CCDC171: variants seen among roughly 807,000 people sequenced by gnomAD.
CCDC171 encodes the protein coiled-coil domain-containing protein 171.
Under a neutral mutation model 168.2 loss-of-function variants are expected in CCDC171, and 177 were observed. The ratio of observed to expected loss-of-function variants is 1.05; its 90% CI spans 0.93 to 1.19. The LOEUF is 1.19. Among genes scored for constraint, CCDC171 ranks in the 50% most tolerant of loss-of-function variants. The pLI, the probability that CCDC171 is intolerant of heterozygous loss-of-function variation, is 0.00. For synonymous variants in CCDC171, 687 were observed against 540.8 expected (o/e 1.27, Z -3.75); for missense variants, 1,991 against 1,539.0 (o/e 1.29, Z -4.91).
chr9:16,082,681 G>A, the CCDC171 span, among the ~76,000 whole-genome samples: 90 of 152,358 alleles, frequency 5.9e-4, no homozygotes, highest in African/African-American at 2.0e-3. Flanking sequence ...GTACACGCAT[G>A]CGTGAGCTTT....
chr9:15,999,595 C>A (rs761194625), intron 3 of CCDC171, among the ~76,000 whole-genome samples: 3 of 152,200 alleles, frequency 2.0e-5, no homozygotes, highest in Non-Finnish European at 4.4e-5. Context: ...AGCATCTGCA[C>A]TATTGTCACT....
intron 6 of CCDC171, among the ~76,000 whole-genome samples, chr9:16,023,690 A>G (rs1344250694): frequency 1.3e-5 from 2 of 152,284 alleles, no homozygotes; most frequent in Non-Finnish European, 2.9e-5. Context: ...GGCATTACTA[A>G]TTGCTTATTC....
chr9:15,570,819 T>C (rs2040165518), intron 2 of CCDC171, among the ~76,000 whole-genome samples: 1 of 152,216 alleles, frequency 6.6e-6, no homozygotes, highest in African/African-American at 2.4e-5. Flanking sequence ...TTCTTGTATA[T>C]AGTATGAAAA....
chr9:15,965,697 A>AAGAGGAACTACTC (rs57983659), intron 25 of CCDC171, among the ~76,000 whole-genome samples: 1 of 151,968 alleles, frequency 6.6e-6, no homozygotes, highest in Non-Finnish European at 1.5e-5. Context: ...AGAAGGGAAG[A>AAGAGGAACTACTC]TATGCTACAC....
intron 7 of CCDC171, among the ~76,000 whole-genome samples, chr9:15,645,373 A>G (rs562930904): frequency 1.3e-5 from 2 of 152,348 alleles, no homozygotes; most frequent in East Asian, 3.9e-4. Context: ...CAGCAACAGA[A>G]CAAAGCTGGA....
intron 9 of CCDC171, among the ~76,000 whole-genome samples, chr9:15,676,883 C>G (rs2049613555): frequency 1.3e-5 from 2 of 152,102 alleles, no homozygotes; most frequent in Admixed American, 1.3e-4. Context: ...GAGTGGCCAT[C>G]AAGTCTGGAA....
chr9:15,971,005 TA>T (rs1831310805), intron 25 of CCDC171, among the ~76,000 whole-genome samples: 2 of 151,968 alleles, frequency 1.3e-5, no homozygotes, highest in African/African-American at 4.8e-5. Flanking sequence ...GAACCTAAAA[TA>T]ATAAAGTTGA....
intron 24 of CCDC171, among the ~76,000 whole-genome samples, chr9:15,910,762 A>G (rs200349982): frequency 6.6e-6 from 1 of 151,204 alleles, no homozygotes; most frequent in Non-Finnish European, 1.5e-5. Context: ...TGTTCTCATT[A>G]TTCAACTCCC....
At chr9:16,062,977 G>A (rs116857696), downstream of CCDC171, among the ~76,000 whole-genome samples, 316 of 152,246 alleles carry the variant, frequency 2.1e-3, 11 homozygotes, top group East Asian at 0.048. Context: ...GGCCAGGAGA[G>A]GAAGAATGAT....
chr9:16,092,957 C>G, the CCDC171 span, among the ~76,000 whole-genome samples: 1 of 152,210 alleles, frequency 6.6e-6, no homozygotes, highest in African/African-American at 2.4e-5. Flanking sequence ...GGTCCTCGTG[C>G]TGGCAGAGCA....
chr9:15,942,172 A>T (rs186238121), intron 25 of CCDC171, among the ~76,000 whole-genome samples: 11 of 152,086 alleles, frequency 7.2e-5, no homozygotes, highest in Admixed American at 3.9e-4. Flanking sequence ...TAGAAGTGCT[A>T]TGTGAGTAGG....
chr9:15,857,956 C>T (rs1211918075), intron 23 of CCDC171, among the ~76,000 whole-genome samples: 1 of 151,298 alleles, frequency 6.6e-6, no homozygotes, highest in Non-Finnish European at 1.5e-5. Flanking sequence ...TGTATATATG[C>T]ATATGTGTGT....
chr9:16,028,306 G>T (rs180718636), intron 6 of CCDC171, among the ~76,000 whole-genome samples: 1 of 152,160 alleles, frequency 6.6e-6, no homozygotes, highest in African/African-American at 2.4e-5. Context: ...TTGGAGTAGT[G>T]GGGAGAATGG....
At chr9:15,578,796 T>C (rs2040883485) in intron 3 of CCDC171, 53 bp from the exon 4 acceptor site, 56 of 1,417,240 alleles carry the variant, frequency 4.0e-5, no homozygotes, top group Non-Finnish European at 5.1e-5. Context: ...AATGTTTGAG[T>C]GTATGATCTC....
chr9:15,601,850 A>G (rs914828859), intron 6 of CCDC171, among the ~76,000 whole-genome samples: 1 of 152,256 alleles, frequency 6.6e-6, no homozygotes, highest in Non-Finnish European at 1.5e-5. Context: ...CCAGAGGTCT[A>G]AATTTATAAA....
intron 18 of CCDC171, among the ~76,000 whole-genome samples, chr9:15,747,072 G>C (rs556785006): frequency 9.3e-4 from 142 of 152,324 alleles, no homozygotes; most frequent in African/African-American, 3.4e-3. Context: ...GCTTGGCGGG[G>C]GGAGGGCGTC....
chr9:15,676,246 A>G (rs1228077661), intron 9 of CCDC171, among the ~76,000 whole-genome samples: 1 of 152,068 alleles, frequency 6.6e-6, no homozygotes, highest in Non-Finnish European at 1.5e-5. Flanking sequence ...GTTCTTCTCT[A>G]CACTGCTTAT....
rs1001050126 is a variant in CCDC171 at position 15,765,035 on chromosome 9, A to C, written c.2672-12565A>C. On this transcript the variant is annotated intron_variant, in intron 18 of 25. Coordinates refer to ENST00000380701, the MANE Select transcript of CCDC171 (RefSeq NM_173550.4). The stretch of plus-strand genomic sequence containing the variant: ...CTGATGGTAACCTTTAAGCCAAATA[A>C]AGTGTTTTACAAGTAGGAGTGTAAT... 1.8e-4 allele frequency among the ~76,000 whole-genome samples: 27 copies of C among 152,188 alleles called. 1 individual carries two copies. The highest frequency in any genetic ancestry group is 1.3e-4 in the Admixed American group (2 of 15,278).
At chr9:15,683,808 G>A (rs2050199949) in intron 10 of CCDC171, among the ~76,000 whole-genome samples, 1 of 152,090 alleles carries the variant, frequency 6.6e-6, no homozygotes, top group South Asian at 2.1e-4. Context: ...GAGACAGAGA[G>A]CAAGAGATTG....
Sources: allele counts gnomAD v4.1 joint callset (sites outside exome capture counted in the v4.1 genomes callset), GRCh38; gene constraint gnomAD v4.1.1; transcripts MANE v1.5; gene names NCBI Gene and HGNC (gene_info 2026-07-23, HGNC 2026-07-21).